NPAS2: variants seen among roughly 807,000 people sequenced by gnomAD.
The protein encoded by NPAS2 is neuronal PAS domain-containing protein 2.
NPAS2 carries 23 observed loss-of-function variants against 107.5 expected under a neutral mutation model. The ratio of observed to expected loss-of-function variants is 0.21; its 90% CI spans 0.15 to 0.30. The LOEUF (loss-of-function observed/expected upper bound fraction) is 0.30. Ranked by LOEUF, NPAS2 falls within the 10% of genes least tolerant of loss-of-function variation. The probability of loss-of-function intolerance (pLI) is 1.00; values close to 1 mark genes in which losing one functional copy is unlikely to be tolerated. For synonymous variants in NPAS2, 403 were observed against 417.5 expected (o/e 0.97, Z 0.42); for missense variants, 756 against 1,043.3 (o/e 0.72, Z 3.79).
At chr2:100,853,280 T>A (rs1391975381) in intron 1 of NPAS2, among the ~76,000 whole-genome samples, 1 of 152,192 alleles carries the variant, frequency 6.6e-6, no homozygotes, top group African/African-American at 2.4e-5. Context: ...AGCGAACGAA[T>A]CTTGGTTCTG....
intron 7 of NPAS2, among the ~76,000 whole-genome samples, chr2:100,963,208 C>T (rs958633607): frequency 3.3e-5 from 5 of 152,188 alleles, no homozygotes; most frequent in Non-Finnish European, 7.3e-5. Context: ...GGACAGAGGC[C>T]CTTGAACCCC....
At chr2:100,977,849 C>T in intron 15 of NPAS2, 50 bp downstream of exon 15, 1 of 1,479,174 alleles carries the variant, frequency 6.8e-7, no homozygotes, top group East Asian at 2.3e-5. Context: ...CAGAAGTCCG[C>T]AGTGTGCTGC....
intron 1 of NPAS2, among the ~76,000 whole-genome samples, chr2:100,885,850 A>G (rs1680665993): frequency 6.6e-6 from 1 of 152,092 alleles, no homozygotes; most frequent in East Asian, 1.9e-4. Flanking sequence ...TTTAGTAGAG[A>G]CAGCCTAGCC....
chr2:100,823,166 C>T (rs995416031), intron 1 of NPAS2, among the ~76,000 whole-genome samples: 10 of 152,094 alleles, frequency 6.6e-5, no homozygotes, highest in African/African-American at 2.4e-4. Flanking sequence ...GGGTACTTAA[C>T]TATGAGTAAT....
In NPAS2 at chr2:100,902,226, G is replaced by C. The variant is rs780295800; in HGVS notation, c.-22-2507G>C. On this transcript the variant is annotated intron_variant, in intron 1 of 20. Transcript: ENST00000335681. Reference sequence around the variant, plus strand: ...CATCCTGTTCCTTGTTTGCCTTCAAGCTGGTTCCAGATCCTATTATTAAGT... The same window carrying C: ...CATCCTGTTCCTTGTTTGCCTTCAACCTGGTTCCAGATCCTATTATTAAGT... Among the ~76,000 whole-genome samples the C allele has an allele frequency of 4.9e-4, 75 of 152,122 alleles. 1 individual carries two copies. Among genetic ancestry groups the C allele is most frequent in the Non-Finnish European group, 9.3e-4 (63 of 68,036 alleles).
rs55951417 is a variant in NPAS2, at chr2:100,907,489, AAC to A, written c.32+2736_32+2737del. Among the ~76,000 whole-genome samples the A allele has an allele frequency of 5.0e-3, 719 of 144,670 alleles. 5 individuals carry two copies. The highest frequency in any genetic ancestry group is 0.011 in the Middle Eastern group (3 of 278). The allele number at this position is 144,670 out of a possible 152,430, so 94.9% of individuals were successfully genotyped here. On this transcript the variant is annotated intron_variant, in intron 2 of 20. Coordinates refer to ENST00000335681, the MANE Select transcript of NPAS2 (RefSeq NM_002518.4). Reference sequence around the variant, plus strand: ...CGCAGTACCCCTCCTAACACTTGGGAACACACACACACACACACACACACACA... The same window carrying A: ...CGCAGTACCCCTCCTAACACTTGGGAACACACACACACACACACACACACA...
chr2:100,970,816 A>C, intron 11 of NPAS2, 174 bp from the exon 12 acceptor site: 1 of 494,754 alleles, frequency 2.0e-6, no homozygotes, highest in Non-Finnish European at 3.6e-6. Flanking sequence ...AATTTAAGGC[A>C]GAGAACGACG....
At chr2:100,974,354 T>C (rs949074525) in intron 12 of NPAS2, among the ~76,000 whole-genome samples, 22 of 152,266 alleles carry the variant, frequency 1.4e-4, no homozygotes, top group African/African-American at 5.3e-4. Flanking sequence ...ACACTGAGGC[T>C]GCAGAGAATG....
At chr2:100,878,262 A>C in intron 1 of NPAS2, 1 of 985,396 alleles carries the variant, frequency 1.0e-6, no homozygotes. Context: ...CTGTCCGAGG[A>C]GCTCGGGAGG....
At chr2:100,836,617 G>T (rs1423569392) in intron 1 of NPAS2, among the ~76,000 whole-genome samples, 1 of 152,200 alleles carries the variant, frequency 6.6e-6, no homozygotes, top group African/African-American at 2.4e-5. Flanking sequence ...GTGCCTCCGA[G>T]TTCCCATTGT....
intron 2 of NPAS2, among the ~76,000 whole-genome samples, chr2:100,909,573 C>A (rs767061860): frequency 8.3e-4 from 127 of 152,316 alleles, no homozygotes; most frequent in Middle Eastern, 3.4e-3. Flanking sequence ...GAACCCCGGG[C>A]CCTCAGCATT....
intron 1 of NPAS2, among the ~76,000 whole-genome samples, chr2:100,839,876 A>T (rs887245674): frequency 2.0e-5 from 3 of 152,076 alleles, no homozygotes; most frequent in African/African-American, 7.2e-5. Context: ...TTCTATAGAT[A>T]CTCTTAGAAC....
intron 6 of NPAS2, 86 bp from the exon 7 acceptor site, chr2:100,949,281 A>G (rs1414033507): frequency 1.2e-6 from 1 of 802,072 alleles, no homozygotes; most frequent in Non-Finnish European, 2.2e-6. Context: ...TAAATCCCAT[A>G]AGAGTTTTCA....
At chr2:100,943,229 T>C (rs1044292280) in intron 5 of NPAS2, among the ~76,000 whole-genome samples, 5 of 152,234 alleles carry the variant, frequency 3.3e-5, no homozygotes, top group Non-Finnish European at 5.9e-5. Flanking sequence ...CTTCTTGTTT[T>C]TGTCAGTCTG....
intron 1 of NPAS2, among the ~76,000 whole-genome samples, chr2:100,861,035 A>ATT (rs3042733): frequency 0.039 from 5,650 of 143,844 alleles, 218 homozygotes; most frequent in African/African-American, 0.096. Flanking sequence ...CCCCCAGCTA[A>ATT]TTTTTTTTTT....
intron 1 of NPAS2, among the ~76,000 whole-genome samples, chr2:100,885,843 A>G (rs1332912924): frequency 6.6e-6 from 1 of 152,036 alleles, no homozygotes; most frequent in Non-Finnish European, 1.5e-5. Flanking sequence ...TTCTATTTTT[A>G]GTAGAGACAG....
In NPAS2 at chr2:100,925,216, A is replaced by G. The variant is rs1231471839; in HGVS notation, c.103A>G (p.Met35Val). 4 of 1,614,168 alleles carry G rather than the reference A, an allele frequency of 2.5e-6. No individual in the cohort carries two copies. Among genetic ancestry groups the G allele is most frequent in the African/African-American group, 1.3e-5 (1 of 75,044 alleles). ...FNVLIKELSSMLPGNTRKMDK... is the reference protein window; with the variant it reads ...FNVLIKELSSVLPGNTRKMDK... ...TGTTCTCATCAAAGAGCTCAGTTCCATGCTCCCTGGCAACACGCGGAAAAT... is the reference window on the plus strand; with the variant it reads ...TGTTCTCATCAAAGAGCTCAGTTCCGTGCTCCCTGGCAACACGCGGAAAAT... Residue 35 changes from methionine to valine, a missense_variant, in exon 3 of 21, where the codon ATG becomes GTG. Physicochemically the swap from Met to Val is conservative, Grantham distance 21 (BLOSUM62 1). Around this residue, in one of 4 missense-constraint regions of NPAS2, gnomAD observed 146 missense variants for 249.6 expected, o/e 0.58. Coordinates refer to ENST00000335681, the MANE Select transcript of NPAS2 (RefSeq NM_002518.4).
At chr2:100,974,048 G>A (rs1253587476) in intron 12 of NPAS2, among the ~76,000 whole-genome samples, 1 of 151,878 alleles carries the variant, frequency 6.6e-6, no homozygotes, top group Non-Finnish European at 1.5e-5. Context: ...CACCATGTTG[G>A]CCAGGCTGGT....
At chr2:100,993,103 T>A (rs987763153) in intron 19 of NPAS2, among the ~76,000 whole-genome samples, 2 of 151,988 alleles carry the variant, frequency 1.3e-5, no homozygotes, top group Non-Finnish European at 2.9e-5. Context: ...CTAATTTTTA[T>A]TTATATTTTT....
Sources: gnomAD v4.1 joint callset for allele counts (sites outside exome capture counted in the v4.1 genomes callset) on GRCh38, gnomAD v4.1.1 for gene constraint, gnomAD v4.1.1 regional missense constraint, MANE v1.5 for transcripts, NCBI Gene and HGNC (gene_info 2026-07-23, HGNC 2026-07-21) for gene names.